The following SYN1 variants were observed in gnomAD, a reference collection of about 807,000 sequenced individuals.
SYN1 encodes the protein synapsin-1.
In SYN1, 8 loss-of-function variants were observed where a neutral mutation model predicts 44.6. The ratio of observed to expected loss-of-function variants is 0.18; its 90% CI spans 0.11 to 0.32. The LOEUF (loss-of-function observed/expected upper bound fraction) is 0.32. Ranked by LOEUF, SYN1 falls within the 10% of genes least tolerant of loss-of-function variation. SYN1 has a pLI of 1.00. For synonymous variants in SYN1, 275 were observed against 280.1 expected, an observed-to-expected ratio of 0.98 and a Z score of 0.18; for missense variants, 451 against 639.4, an observed-to-expected ratio of 0.71 and a Z score of 3.18.
At chrX:47,584,855 T>G (rs2057816002) in intron 5 of SYN1, 1 of 853,102 alleles carries the variant, frequency 1.2e-6, no homozygotes, top group Non-Finnish European at 1.7e-6. Context: ...GCTTTGCTGG[T>G]ATGATGATGA....
rs1265435772 is a variant in SYN1 at position 47,585,253 on chromosome X, G to A, written c.775-7752C>T. On this transcript the variant is annotated intron_variant, in intron 5 of 12. Transcript: ENST00000295987. Reference sequence around the variant, plus strand: ...AGGGGATGCCGCTGACATCCGGTTCGTCTACACCCCCGCCATGGAGAGTGT... The same window carrying A: ...AGGGGATGCCGCTGACATCCGGTTCATCTACACCCCCGCCATGGAGAGTGT... 13 of 1,207,967 alleles carry A rather than the reference G, an allele frequency of 1.1e-5. No homozygotes were observed. In the East Asian group the frequency reaches 2.4e-4, roughly 22 times the overall value.
At chrX:47,585,283 G>A (rs1319834840) in intron 5 of SYN1, 14 of 1,211,473 alleles carry the variant, frequency 1.2e-5, no homozygotes, top group South Asian at 3.5e-5. Flanking sequence ...GAGTGTCTGC[G>A]GATACTTCCA....
At chrX:47,610,666 G>A (rs914067002) in intron 1 of SYN1, among the ~76,000 whole-genome samples, 3 of 110,403 alleles carry the variant, frequency 2.7e-5, no homozygotes, top group African/African-American at 9.9e-5. Flanking sequence ...GGTAGAACAG[G>A]AAGTTGGTGT....
At chrX:47,582,445 G>T (rs1208997287) in intron 5 of SYN1, 1 of 250,214 alleles carries the variant, frequency 4.0e-6, no homozygotes, top group Non-Finnish European at 8.0e-6. Context: ...CGCCATCGCC[G>T]CAGATCCAGC....
At position 47,585,026 on chromosome X, in the gene SYN1, C is replaced by T. The variant is rs967095474; in HGVS notation, c.775-7525G>A. The T allele has an allele frequency of 1.5e-5, 18 of 1,204,743 alleles. No individual in the cohort carries two copies. The Admixed American group carries it at 2.9e-4, about 19-fold the overall frequency. ...ATCAAGATGACCAAGGTATCCCCTG[C>T]CCCCGCCTCTTTCCCAGCATTTTCT... On this transcript the variant is annotated intron_variant, in intron 5 of 12. Coordinates refer to ENST00000295987, the MANE Select transcript of SYN1 (RefSeq NM_006950.3).
At chrX:47,573,394 T>G (rs1265701405) in intron 12 of SYN1, among the ~76,000 whole-genome samples, 2 of 111,623 alleles carry the variant, frequency 1.8e-5, no homozygotes, top group South Asian at 3.8e-4. Flanking sequence ...TAGAAAGGGC[T>G]TGGACCAAGG....
At chrX:47,576,433 G>A (rs1443428782) in intron 7 of SYN1, 27 bp from the exon 8 acceptor site, 1 of 1,210,638 alleles carries the variant, frequency 8.3e-7, no homozygotes, top group Non-Finnish European at 1.1e-6. Context: ...CAGAAGCTCA[G>A]GGGTGCCTCA....
At chrX:47,611,802 C>T (rs1209832197) in intron 1 of SYN1, among the ~76,000 whole-genome samples, 2 of 111,477 alleles carry the variant, frequency 1.8e-5, no homozygotes, top group Admixed American at 9.5e-5. Flanking sequence ...GGGACCGATG[C>T]ATTAGTAAAA....
Position 47,598,904 on chromosome X carries a change from C to T in SYN1, c.774+6074G>A, listed in dbSNP as rs145434483. ...AGCATGATAGCACATGCCTGTGGTC[C>T]CAGCTATTCAGGAGGCTGAGGCAGG... On this transcript the variant is annotated intron_variant, in intron 5 of 12. Transcript: ENST00000295987. Among the ~76,000 whole-genome samples, 363 of 109,792 alleles carry T rather than the reference C, an allele frequency of 3.3e-3. 5 individuals are homozygous for T. Among genetic ancestry groups the T allele is most frequent in the African/African-American group, 0.011 (340 of 30,293 alleles).
chrX:47,586,686 G>T, intron 5 of SYN1: 1 of 1,208,596 alleles, frequency 8.3e-7, no homozygotes, highest in South Asian at 1.8e-5. Flanking sequence ...GTCCCAGATA[G>T]CCTGAATCCT....
At chrX:47,608,397 C>T (rs1336144391) in intron 1 of SYN1, among the ~76,000 whole-genome samples, 1 of 111,829 alleles carries the variant, frequency 8.9e-6, no homozygotes, top group Admixed American at 9.4e-5. Context: ...TATGTCAGTG[C>T]CTGTGTCTGG....
intron 5 of SYN1, chrX:47,590,101 G>A (rs2057842839): frequency 9.0e-6 from 1 of 111,057 alleles, no homozygotes; most frequent in African/African-American, 3.3e-5. Context: ...TAAGATCCCA[G>A]CTCTTTACGC....
chrX:47,594,417 C>G (rs2057857651), intron 5 of SYN1, among the ~76,000 whole-genome samples: 1 of 108,944 alleles, frequency 9.2e-6, no homozygotes, highest in African/African-American at 3.4e-5. Flanking sequence ...ACCTGTAGTC[C>G]CAGCTACTTG....
chrX:47,589,436 AC>A (rs919281899), intron 5 of SYN1, among the ~76,000 whole-genome samples: 8 of 105,943 alleles, frequency 7.6e-5, no homozygotes, highest in African/African-American at 1.7e-4. Context: ...TACTAAAAAT[AC>A]CAAAAAAAAA....
chrX:47,595,871 G>A (rs752639736), intron 5 of SYN1, among the ~76,000 whole-genome samples: 1 of 112,283 alleles, frequency 8.9e-6, no homozygotes, highest in Non-Finnish European at 1.9e-5. Context: ...TAAAAGCAAT[G>A]AGAACACTGG....
chrX:47,618,233 T>C (rs1603077867), intron 1 of SYN1, among the ~76,000 whole-genome samples: 1 of 112,083 alleles, frequency 8.9e-6, no homozygotes, highest in East Asian at 2.8e-4. Flanking sequence ...AAGTGCTCAA[T>C]ACATGCAGAC....
chrX:47,607,770 G>A (rs2057903039), intron 1 of SYN1, among the ~76,000 whole-genome samples: 1 of 106,156 alleles, frequency 9.4e-6, no homozygotes, highest in Admixed American at 1.0e-4. Flanking sequence ...TGTGGCTCAC[G>A]TCTATAATCC....
At position 47,619,451 on chromosome X, in the gene SYN1, G is replaced by A; in HGVS notation, c.278C>T (p.Ala93Val). 1 of 1,194,969 alleles carries A rather than the reference G, an allele frequency of 8.4e-7. No homozygotes were observed. The highest frequency in any genetic ancestry group is 1.1e-6 in the Non-Finnish European group (1 of 892,202). ...AVKQTTAAAA[A>V]TFSEQVGGGS... is the part of the protein sequence containing the mutation. ...GCCGCCCACCTGCTCGCTGAAGGTG[G>A]CAGCTGCCGCCGCCGTGGTCTGCTT... The change falls in exon 1 of 13, where the codon GCC becomes GTC. Residue 93 changes from alanine to valine, a missense_variant. Physicochemically the swap from Ala to Val is moderately conservative, Grantham distance 64 (BLOSUM62 0). Coordinates refer to ENST00000295987, the MANE Select transcript of SYN1 (RefSeq NM_006950.3).
At chrX:47,585,307 C>T (rs754631765) in intron 5 of SYN1, 44 of 1,210,158 alleles carry the variant, frequency 3.6e-5, no homozygotes, top group South Asian at 1.6e-4. Context: ...GTCCCACAAC[C>T]GCAGCGAGGA....
Sources: allele counts gnomAD v4.1 joint callset (sites outside exome capture counted in the v4.1 genomes callset), GRCh38; gene constraint gnomAD v4.1.1; transcripts MANE v1.5; gene names NCBI Gene and HGNC (gene_info 2026-07-23, HGNC 2026-07-21).